GABRB3: variants seen among roughly 807,000 people sequenced by gnomAD.
GABRB3 encodes gamma-aminobutyric acid type A receptor subunit beta3, also known as gamma-aminobutyric acid receptor subunit beta-3.
In GABRB3, 14 loss-of-function variants were observed where a neutral mutation model predicts 52.1. That is an observed-to-expected ratio of 0.27 (90% CI 0.18 to 0.42). GABRB3 has a LOEUF of 0.42. Ranked by LOEUF, GABRB3 falls within the 10% of genes least tolerant of loss-of-function variation. The pLI is 1.00. For synonymous variants in GABRB3, 260 were observed against 232.3 expected, an observed-to-expected ratio of 1.12 and a Z score of -1.08; for missense variants, 307 against 609.1, an observed-to-expected ratio of 0.50 and a Z score of 5.22.
At chr15:26,640,938 T>C (rs904500674) in intron 3 of GABRB3, among the ~76,000 whole-genome samples, 2 of 152,246 alleles carry the variant, frequency 1.3e-5, no homozygotes, top group Non-Finnish European at 2.9e-5. Context: ...GATGGTAATT[T>C]AATCAGTCAT....
intron 3 of GABRB3, among the ~76,000 whole-genome samples, chr15:26,672,194 T>A (rs1313144571): frequency 6.6e-6 from 1 of 152,174 alleles, no homozygotes; most frequent in Non-Finnish European, 1.5e-5. Flanking sequence ...CATTTGAGAA[T>A]CAAGGAACGC....
chr15:26,645,276 T>A (rs1893318039), intron 3 of GABRB3, among the ~76,000 whole-genome samples: 1 of 152,208 alleles, frequency 6.6e-6, no homozygotes, highest in Non-Finnish European at 1.5e-5. Flanking sequence ...TTGTTCCTGC[T>A]CTGGTGAACT....
chr15:26,553,612 T>G (rs937390943), intron 8 of GABRB3: 2 of 152,104 alleles, frequency 1.3e-5, no homozygotes, highest in African/African-American at 4.8e-5. Context: ...AACTGTGAGA[T>G]GAAAAAAAGC....
chr15:26,632,490 G>A (rs1447611977), intron 3 of GABRB3, among the ~76,000 whole-genome samples: 1 of 152,210 alleles, frequency 6.6e-6, no homozygotes, highest in Non-Finnish European at 1.5e-5. Context: ...AGTCTAAAAA[G>A]ATACTTTTCT....
At chr15:26,754,945 T>A (rs911096399) in intron 3 of GABRB3, among the ~76,000 whole-genome samples, 18 of 151,472 alleles carry the variant, frequency 1.2e-4, no homozygotes, top group African/African-American at 4.4e-4. Flanking sequence ...GAGATTTAAA[T>A]CCCTTGGTAG....
At chr15:26,561,256 C>A in intron 7 of GABRB3, 80 bp from the exon 8 acceptor site, 2 of 1,593,380 alleles carry the variant, frequency 1.3e-6, no homozygotes, top group South Asian at 2.2e-5. Flanking sequence ...TATGTTTTCT[C>A]AAACAGCTTT....
At chr15:26,603,236 T>A (rs1476257103) in intron 4 of GABRB3, among the ~76,000 whole-genome samples, 1 of 151,916 alleles carries the variant, frequency 6.6e-6, no homozygotes, top group Non-Finnish European at 1.5e-5. Context: ...AACAGATGAA[T>A]AACAGGTAAC....
At chr15:26,638,136 A>C (rs1439726834) in intron 3 of GABRB3, among the ~76,000 whole-genome samples, 1 of 152,174 alleles carries the variant, frequency 6.6e-6, no homozygotes. Context: ...ATATTTCTGG[A>C]CACTGAAGTC....
chr15:26,719,108 A>G (rs1167933408), intron 3 of GABRB3, among the ~76,000 whole-genome samples: 1 of 152,264 alleles, frequency 6.6e-6, no homozygotes, highest in Non-Finnish European at 1.5e-5. Flanking sequence ...GCACATGCAC[A>G]TCGGTCTGAA....
In GABRB3 at chr15:26,617,646, T is replaced by C. The variant is rs1402230120; in HGVS notation, c.461+3668A>G. On this transcript the variant is annotated intron_variant, in intron 4 of 8. Coordinates refer to ENST00000311550, the MANE Select transcript of GABRB3 (RefSeq NM_000814.6). The stretch of plus-strand genomic sequence containing the variant: ...CTCTCACCACTCCTATTCAACATAG[T>C]GTTGGAAGTTCTGGCCAGGGCAATT... 2.6e-5 allele frequency among the ~76,000 whole-genome samples: 4 copies of C among 151,820 alleles called. No homozygotes were observed. In the East Asian group the frequency reaches 7.7e-4, roughly 29 times the overall value.
chr15:26,582,489 T>G lies in GABRB3; in HGVS notation c.544+843A>C, dbSNP rs546356241. Among the ~76,000 whole-genome samples the G allele has an allele frequency of 7.2e-5, 11 of 152,316 alleles. No individual in the cohort carries two copies. In the South Asian group the frequency reaches 2.1e-3, roughly 29 times the overall value. ...TGCATCACTTGACATGGCTTATGTCTTTCTTATTCTGTGAAAGCACAGCTC... is the reference window on the plus strand; with the variant it reads ...TGCATCACTTGACATGGCTTATGTCGTTCTTATTCTGTGAAAGCACAGCTC... On this transcript the variant is annotated intron_variant, in intron 5 of 8. Transcript: ENST00000311550.
intron 3 of GABRB3, among the ~76,000 whole-genome samples, chr15:26,756,739 A>G (rs1296918769): frequency 6.6e-6 from 1 of 152,182 alleles, no homozygotes; most frequent in Non-Finnish European, 1.5e-5. Flanking sequence ...GATCATGTAT[A>G]GAGTTCACAG....
chr15:26,773,675 G>T (rs1019142359), upstream of GABRB3: 4 of 1,574,392 alleles, frequency 2.5e-6, no homozygotes, highest in African/African-American at 4.0e-5. Context: ...GGTCCCCAGG[G>T]TCCAGGAGAG....
chr15:26,649,343 C>T (rs1433718943), intron 3 of GABRB3, among the ~76,000 whole-genome samples: 1 of 152,122 alleles, frequency 6.6e-6, no homozygotes, highest in Non-Finnish European at 1.5e-5. Context: ...TCTTCTCCCT[C>T]CACCATGTGA....
At chr15:26,717,572 G>A (rs959026297) in intron 3 of GABRB3, among the ~76,000 whole-genome samples, 6 of 152,098 alleles carry the variant, frequency 3.9e-5, no homozygotes, top group African/African-American at 1.2e-4. Context: ...TCCCAACAAC[G>A]CTCATCCAGA....
At chr15:26,680,132 C>T (rs945553339) in intron 3 of GABRB3, among the ~76,000 whole-genome samples, 2 of 152,156 alleles carry the variant, frequency 1.3e-5, no homozygotes, top group African/African-American at 2.4e-5. Context: ...TCCAATCAGT[C>T]GAAGGTCCTG....
At chr15:26,651,605 T>C (rs1256951636) in intron 3 of GABRB3, among the ~76,000 whole-genome samples, 1 of 152,226 alleles carries the variant, frequency 6.6e-6, no homozygotes, top group Admixed American at 6.5e-5. Context: ...TTCTTATACA[T>C]GGTCACTGCT....
intron 3 of GABRB3, among the ~76,000 whole-genome samples, chr15:26,707,508 C>A (rs1407892890): frequency 6.6e-6 from 1 of 152,082 alleles, no homozygotes; most frequent in Non-Finnish European, 1.5e-5. Flanking sequence ...AAGAAAGGGT[C>A]ACGTGTGAGC....
intron 3 of GABRB3, chr15:26,624,098 G>T: frequency 1.5e-6 from 1 of 650,784 alleles, no homozygotes; most frequent in Non-Finnish European, 1.9e-6. Flanking sequence ...ACAGTGCTGA[G>T]TGGTGGGTAA....
Sources: gnomAD v4.1 joint callset for allele counts (sites outside exome capture counted in the v4.1 genomes callset) on GRCh38, gnomAD v4.1.1 for gene constraint, MANE v1.5 for transcripts, NCBI Gene and HGNC (gene_info 2026-07-23, HGNC 2026-07-21) for gene names.